The following ERC2 variants were observed in gnomAD, a reference collection of about 807,000 sequenced individuals.
ERC2 encodes ERC protein 2.
ERC2 carries 42 observed loss-of-function variants against 114.8 expected under a neutral mutation model. The ratio of observed to expected loss-of-function variants is 0.37; its 90% confidence interval spans 0.29 to 0.47. The LOEUF (loss-of-function observed/expected upper bound fraction) is 0.47, where lower values mean the gene tolerates loss of function less well. Ranked by LOEUF, ERC2 falls within the 20% of genes least tolerant of loss-of-function variation. The probability of loss-of-function intolerance (pLI) is 0.99; values close to 1 mark genes in which losing one functional copy is unlikely to be tolerated. For missense variants in ERC2, 939 were observed against 1,150.7 expected, an observed-to-expected ratio of 0.82 and a Z score of 2.66; for synonymous variants, 454 against 425.5, an observed-to-expected ratio of 1.07 and a Z score of -0.82.
intron 13 of ERC2, among the ~76,000 whole-genome samples, chr3:55,939,490 A>G (rs1339060632): frequency 6.6e-6 from 1 of 152,240 alleles, no homozygotes. Flanking sequence ...AGCCTTTAAC[A>G]TGTTAATATG....
chr3:56,396,242 CTAAAA>C (rs1214819579), intron 2 of ERC2, among the ~76,000 whole-genome samples: 7 of 152,054 alleles, frequency 4.6e-5, no homozygotes, highest in Non-Finnish European at 8.8e-5. Flanking sequence ...ATTTGTAATA[CTAAAA>C]AACTGGAAAC....
rs922669261 is a variant in ERC2, at chr3:56,352,747, C to T, written c.658-56312G>A. Among the ~76,000 whole-genome samples the T allele has an allele frequency of 1.5e-4, 23 of 152,092 alleles. 1 individual carries two copies. Among genetic ancestry groups the T allele is most frequent in the Non-Finnish European group, 1.0e-4 (7 of 68,018 alleles). ...TCGTCTGAAGTTCAACTGGGGAAGG[C>T]TCCATTTCCTAGGTCACATGGTTGT... On this transcript the variant is annotated intron_variant, in intron 2 of 17. Coordinates refer to ENST00000288221, the MANE Select transcript of ERC2 (RefSeq NM_015576.3).
chr3:55,675,687 T>C (rs893901545), intron 17 of ERC2, among the ~76,000 whole-genome samples: 1 of 152,078 alleles, frequency 6.6e-6, no homozygotes, highest in Non-Finnish European at 1.5e-5. Context: ...GAAGTATCTA[T>C]TCTCAGGCTA....
intron 17 of ERC2, among the ~76,000 whole-genome samples, chr3:55,654,067 G>T (rs2060757484): frequency 6.6e-6 from 1 of 152,236 alleles, no homozygotes; most frequent in Admixed American, 6.5e-5. Flanking sequence ...CTCCAGAAAA[G>T]GATGCTGAAC....
At chr3:55,895,137 A>T (rs1201502240) in intron 13 of ERC2, among the ~76,000 whole-genome samples, 1 of 152,174 alleles carries the variant, frequency 6.6e-6, no homozygotes, top group Non-Finnish European at 1.5e-5. Context: ...CACCTACAAG[A>T]TCTTTGACCT....
intron 17 of ERC2, among the ~76,000 whole-genome samples, chr3:55,538,616 GGGCATTTT>G (rs2054160294): frequency 6.6e-6 from 1 of 152,182 alleles, no homozygotes; most frequent in African/African-American, 2.4e-5. Context: ...CCATGGAAAA[GGGCATTTT>G]TGGATTCACA....
chr3:56,189,171 T>G (rs2083826906), intron 3 of ERC2, among the ~76,000 whole-genome samples: 1 of 152,192 alleles, frequency 6.6e-6, no homozygotes, highest in South Asian at 2.1e-4. Context: ...CGTCAAGCTT[T>G]TGACAGCTAC....
chr3:56,250,840 G>A (rs907855404), intron 3 of ERC2, among the ~76,000 whole-genome samples: 4 of 152,174 alleles, frequency 2.6e-5, no homozygotes, highest in East Asian at 3.8e-4. Flanking sequence ...AGTATGGGAC[G>A]GGGATCACTA....
chr3:55,807,145 G>A (rs1175344297), intron 14 of ERC2, among the ~76,000 whole-genome samples: 1 of 152,176 alleles, frequency 6.6e-6, no homozygotes, highest in Non-Finnish European at 1.5e-5. Context: ...AGATAAAGAA[G>A]AGTGGATTAA....
intron 12 of ERC2, among the ~76,000 whole-genome samples, chr3:55,984,658 T>C (rs973912088): frequency 6.6e-5 from 10 of 152,214 alleles, no homozygotes; most frequent in African/African-American, 2.2e-4. Context: ...CTCCAGAAAG[T>C]AAATTAAGAG....
At chr3:55,679,609 T>C (rs1312940306) in intron 17 of ERC2, among the ~76,000 whole-genome samples, 1 of 152,134 alleles carries the variant, frequency 6.6e-6, no homozygotes. Context: ...AATGGACAAA[T>C]GAGTGAATAA....
chr3:56,189,700 T>G (rs898945944), intron 3 of ERC2, among the ~76,000 whole-genome samples: 2 of 152,168 alleles, frequency 1.3e-5, no homozygotes, highest in African/African-American at 4.8e-5. Flanking sequence ...TTTCCAACAT[T>G]TGGCTTGCAG....
At chr3:55,930,527 G>A (rs2066014469) in intron 13 of ERC2, among the ~76,000 whole-genome samples, 1 of 152,104 alleles carries the variant, frequency 6.6e-6, no homozygotes, top group South Asian at 2.1e-4. Context: ...TTAATAAATG[G>A]TGTTGGGAAA....
intron 14 of ERC2, among the ~76,000 whole-genome samples, chr3:55,845,652 C>T (rs571433593): frequency 2.0e-4 from 30 of 152,288 alleles, no homozygotes; most frequent in African/African-American, 7.2e-4. Context: ...ACTCTTAAAC[C>T]TTGCCATTTG....
chr3:56,307,828 GCACACACACACACA>G (rs10576433), intron 2 of ERC2, among the ~76,000 whole-genome samples: 2 of 147,556 alleles, frequency 1.4e-5, no homozygotes, highest in Non-Finnish European at 3.0e-5. Context: ...ACACACACTT[GCACACACACACACA>G]CACACACACA....
intron 17 of ERC2, among the ~76,000 whole-genome samples, chr3:55,562,261 T>C (rs1477078846): frequency 6.6e-6 from 1 of 152,112 alleles, no homozygotes; most frequent in East Asian, 1.9e-4. Context: ...CAAGCGATTC[T>C]CTTGCCTCAG....
At chr3:55,844,574 G>A (rs761124931) in intron 14 of ERC2, among the ~76,000 whole-genome samples, 1 of 152,198 alleles carries the variant, frequency 6.6e-6, no homozygotes, top group African/African-American at 2.4e-5. Flanking sequence ...CTTCTACAGT[G>A]CTCAAGATGT....
intron 2 of ERC2, among the ~76,000 whole-genome samples, chr3:56,356,358 G>A (rs1162781680): frequency 6.6e-6 from 1 of 152,210 alleles, no homozygotes; most frequent in Non-Finnish European, 1.5e-5. Flanking sequence ...GGGTAAAGTG[G>A]CCTGGGCTGA....
chr3:55,907,867 C>T (rs751825083), intron 13 of ERC2, among the ~76,000 whole-genome samples: 5 of 152,154 alleles, frequency 3.3e-5, no homozygotes, highest in South Asian at 2.1e-4. Flanking sequence ...ACTTGATAAA[C>T]GATAAGTATT....
Sources: allele counts gnomAD v4.1 joint callset (sites outside exome capture counted in the v4.1 genomes callset), GRCh38; gene constraint gnomAD v4.1.1; transcripts MANE v1.5; gene names NCBI Gene and HGNC (gene_info 2026-07-23, HGNC 2026-07-21).